Variants in SGK3 observed in about 807,000 individuals in gnomAD.
The protein encoded by SGK3 is serine/threonine-protein kinase Sgk3.
A neutral mutation model predicts 68.5 loss-of-function variants in SGK3; 47 were observed. The observed-to-expected ratio is 0.69, with a 90% confidence interval of 0.54 to 0.87. The LOEUF (loss-of-function observed/expected upper bound fraction) is 0.87. Ranked by LOEUF, SGK3 falls within the 40% of genes least tolerant of loss-of-function variation. The probability of loss-of-function intolerance (pLI) is 0.00; values close to 1 mark genes in which losing one functional copy is unlikely to be tolerated. For missense variants in SGK3, 479 were observed against 575.5 expected (o/e 0.83, Z 1.72); for synonymous variants, 181 against 189.1 (o/e 0.96, Z 0.35).
In SGK3 at chr8:66,859,595, C is replaced by T. The variant is rs748212476; in HGVS notation, c.*14C>T. The T allele has an allele frequency of 5.0e-6, 8 of 1,602,792 alleles. No homozygotes were observed. The highest frequency in any genetic ancestry group is 1.7e-4 in the Middle Eastern group (1 of 6,016). ...TTATTTTTGTGAGCAGTTTGCCATT[C>T]AGAAACCATTGAGCAAAATAAGTCT... On this transcript the variant is annotated 3_prime_UTR_variant, in exon 17 of 17. Coordinates refer to ENST00000521198, the MANE Select transcript of SGK3 (RefSeq NM_001033578.3).
intron 1 of SGK3, among the ~76,000 whole-genome samples, chr8:66,717,492 T>C (rs112416971): frequency 0.14 from 21,059 of 151,942 alleles, 2,824 homozygotes; most frequent in African/African-American, 0.35. Context: ...CGCACCACTG[T>C]GCTCCAGACT....
intron 1 of SGK3, among the ~76,000 whole-genome samples, chr8:66,717,210 AAAAAAAAACAAAAAAAAC>A (rs549359816): frequency 1.4e-5 from 2 of 139,730 alleles, no homozygotes; most frequent in African/African-American, 6.2e-5. Context: ...TTTATCTGAA[AAAAAAAAACAAAAAAAAC>A]AAAAAAAACA....
intron 1 of SGK3, among the ~76,000 whole-genome samples, chr8:66,732,133 A>G (rs1350352850): frequency 6.6e-6 from 1 of 152,198 alleles, no homozygotes; most frequent in African/African-American, 2.4e-5. Flanking sequence ...TTGGAACAGT[A>G]TTTAATTTGC....
chr8:66,757,985 ATATG>A lies in SGK3; in HGVS notation c.-121-35627_-121-35624del, dbSNP rs1393268850. 2.1e-5 allele frequency among the ~76,000 whole-genome samples: 3 copies of A among 139,786 alleles called. No individual in the cohort carries two copies. The Admixed American group carries it at 2.2e-4, about 10-fold the overall frequency. 91.7% of individuals were successfully genotyped at this position (139,786 alleles called of 152,430 possible). On this transcript the variant is annotated intron_variant, in intron 1 of 16. Coordinates refer to ENST00000521198, the MANE Select transcript of SGK3 (RefSeq NM_001033578.3). ...CACACTATATATATACACACACACTATATGTATATATATACACACACACACTACA... is the reference window on the plus strand; with the variant it reads ...CACACTATATATATACACACACACTATATATATATACACACACACACTACA...
In SGK3 at chr8:66,843,546, T is replaced by C. The variant is rs758582469; in HGVS notation, c.1073T>C (p.Leu358Ser). 6.2e-7 allele frequency: 1 copy of C among 1,613,078 alleles called. No individual in the cohort carries two copies. The highest frequency in any genetic ancestry group is 8.5e-7 in the Non-Finnish European group (1 of 1,179,410). Residue 358 changes from leucine (L) to serine (S), a missense_variant and splice_region_variant, in exon 14 of 17, where the codon TTG becomes TCG. Leu to Ser is a moderately radical substitution (Grantham distance 145). Coordinates refer to ENST00000521198, the MANE Select transcript of SGK3 (RefSeq NM_001033578.3). ...GAVLYEMLYG[L>S]PPFYCRDVAE... ...GTTCTGTATGAAATGCTGTATGGAT[T>C]GGTATGTATTTCTATACCTCATTAT...
intron 3 of SGK3, among the ~76,000 whole-genome samples, chr8:66,798,904 A>G (rs974370560): frequency 1.3e-5 from 2 of 152,224 alleles, no homozygotes; most frequent in African/African-American, 4.8e-5. Flanking sequence ...AGTTCTTTCT[A>G]CCTACCTCTC....
intron 3 of SGK3, among the ~76,000 whole-genome samples, chr8:66,802,405 C>CA (rs1201581326): frequency 6.6e-6 from 1 of 152,132 alleles, no homozygotes; most frequent in Non-Finnish European, 1.5e-5. Context: ...TTGTCAAACA[C>CA]AGGCCAGGAA....
rs1805458766 is a variant in SGK3, at chr8:66,740,888, C to T, written c.-122+28055C>T. On this transcript the variant is annotated intron_variant, in intron 1 of 16. Coordinates refer to ENST00000521198, the MANE Select transcript of SGK3 (RefSeq NM_001033578.3). ...CGCCACTGCACTCCAGCCTGGGCGG[C>T]AGGGTGAGACTCTGTCTCAAAAAAA... Among the ~76,000 whole-genome samples, 5 of 123,218 alleles carry T rather than the reference C, an allele frequency of 4.1e-5. No individual in the cohort carries two copies. The South Asian group carries it at 1.2e-3, about 30-fold the overall frequency. The allele number at this position is 123,218 out of a possible 152,430, so 80.8% of individuals were successfully genotyped here. A position where few individuals can be genotyped will look rare whatever the true frequency, so the allele number is the denominator to read the frequency against.
chr8:66,843,664 G>A (rs775466618), intron 14 of SGK3, 117 bp downstream of exon 14: 7 of 1,084,548 alleles, frequency 6.5e-6, no homozygotes, highest in Non-Finnish European at 7.8e-6. Flanking sequence ...AGCAGTAATA[G>A]TCTGGTTAAA....
chr8:66,763,414 C>T (rs1316616283), intron 1 of SGK3, among the ~76,000 whole-genome samples: 1 of 152,142 alleles, frequency 6.6e-6, no homozygotes, highest in Non-Finnish European at 1.5e-5. Context: ...TGATATCATA[C>T]TGGAAAGTAA....
At chr8:66,744,531 T>TTG (rs1554593824) in intron 1 of SGK3, among the ~76,000 whole-genome samples, 18 of 107,676 alleles carry the variant, frequency 1.7e-4, no homozygotes, top group African/African-American at 5.7e-4. Flanking sequence ...TTTTTTTTTT[T>TTG]TTTTTTTTTT....
chr8:66,795,122 T>C (rs1033728743), intron 2 of SGK3, among the ~76,000 whole-genome samples: 1 of 152,208 alleles, frequency 6.6e-6, no homozygotes, highest in Non-Finnish European at 1.5e-5. Flanking sequence ...TGACTTTCAA[T>C]TCAGAATCCC....
At chr8:66,747,525 T>C (rs1250449066) in intron 1 of SGK3, among the ~76,000 whole-genome samples, 1 of 152,140 alleles carries the variant, frequency 6.6e-6, no homozygotes, top group Non-Finnish European at 1.5e-5. Flanking sequence ...AGAATGGTCC[T>C]ATGTGTGATC....
chr8:66,757,533 T>C lies in SGK3; in HGVS notation c.-121-36083T>C, dbSNP rs375947193. Among the ~76,000 whole-genome samples the C allele has an allele frequency of 5.3e-5, 8 of 152,064 alleles. No homozygotes were observed. The East Asian group carries it at 1.2e-3, about 22-fold the overall frequency. ...ACAGAACTCCTTACACTCCTAAAAA[T>C]TACTGAGTACCCCAAGGAGTTTGTA... On this transcript the variant is annotated intron_variant, in intron 1 of 16. Transcript: ENST00000521198.
intron 4 of SGK3, among the ~76,000 whole-genome samples, chr8:66,806,947 A>G (rs139247501): frequency 2.0e-5 from 3 of 152,284 alleles, no homozygotes; most frequent in Non-Finnish European, 2.9e-5. Flanking sequence ...AAGCATCTTC[A>G]TGGGTAGCGT....
chr8:66,742,363 A>C (rs1453090158), intron 1 of SGK3, among the ~76,000 whole-genome samples: 1 of 151,796 alleles, frequency 6.6e-6, no homozygotes, highest in African/African-American at 2.4e-5. Context: ...TTCTCCATTA[A>C]TTTTTTGTCT....
intron 5 of SGK3, among the ~76,000 whole-genome samples, chr8:66,821,970 C>T (rs1808849363): frequency 7.7e-6 from 1 of 129,906 alleles, no homozygotes; most frequent in Non-Finnish European, 1.6e-5. Flanking sequence ...AATATTTGAA[C>T]ATTTCTCTTT....
intron 16 of SGK3, among the ~76,000 whole-genome samples, chr8:66,855,377 AT>A (rs1386333187): frequency 6.6e-6 from 1 of 151,972 alleles, no homozygotes; most frequent in Non-Finnish European, 1.5e-5. Flanking sequence ...TAATTTTTGT[AT>A]TTTTAGTAGA....
chr8:66,820,155 A>G (rs1808751825), intron 5 of SGK3, among the ~76,000 whole-genome samples: 1 of 152,174 alleles, frequency 6.6e-6, no homozygotes, highest in Non-Finnish European at 1.5e-5. Context: ...TACAACCATC[A>G]TCACTAATTC....
Sources: gnomAD v4.1 joint callset for allele counts (sites outside exome capture counted in the v4.1 genomes callset) on GRCh38, gnomAD v4.1.1 for gene constraint, MANE v1.5 for transcripts, NCBI Gene and HGNC (gene_info 2026-07-23, HGNC 2026-07-21) for gene names.